The following AKAP6 variants were observed in gnomAD, a reference collection of about 807,000 sequenced individuals.
AKAP6 encodes A-kinase anchor protein 6.
A neutral mutation model predicts 188.5 loss-of-function variants in AKAP6; 58 were observed. That is an observed-to-expected ratio of 0.31 (90% CI 0.25 to 0.38). The LOEUF is 0.38. Ranked by LOEUF, AKAP6 falls within the 10% of genes least tolerant of loss-of-function variation. The probability of loss-of-function intolerance (pLI) is 1.00; values close to 1 mark genes in which losing one functional copy is unlikely to be tolerated. For missense variants in AKAP6, 2,710 were observed against 2,740.0 expected, an observed-to-expected ratio of 0.99 and a Z score of 0.24; for synonymous variants, 989 against 998.6, an observed-to-expected ratio of 0.99 and a Z score of 0.18.
chr14:32,797,776 A>T (rs1162846968), intron 12 of AKAP6, among the ~76,000 whole-genome samples: 1 of 152,116 alleles, frequency 6.6e-6, no homozygotes, highest in Non-Finnish European at 1.5e-5. Flanking sequence ...CCATAAACTT[A>T]AAAGTTGAAG....
intron 9 of AKAP6, among the ~76,000 whole-genome samples, chr14:32,723,726 G>A (rs1284408834): frequency 2.0e-5 from 3 of 152,060 alleles, no homozygotes; most frequent in Non-Finnish European, 4.4e-5. Context: ...ATCCTCCACA[G>A]TTCACACTAT....
At chr14:32,620,803 A>G (rs1886786732) in intron 7 of AKAP6, among the ~76,000 whole-genome samples, 1 of 148,858 alleles carries the variant, frequency 6.7e-6, no homozygotes, top group African/African-American at 2.5e-5. Flanking sequence ...GCTTTTTTTC[A>G]CTGGCAGTTT....
At chr14:32,738,816 C>T (rs556663816) in intron 11 of AKAP6, among the ~76,000 whole-genome samples, 1 of 152,242 alleles carries the variant, frequency 6.6e-6, no homozygotes, top group Admixed American at 6.5e-5. Flanking sequence ...ATAGTATAAT[C>T]TCTGTATGAA....
At position 32,372,866 on chromosome 14, in the gene AKAP6, AG is replaced by A. The variant is rs1261498550; in HGVS notation, c.-35+43459del. 5.7e-4 allele frequency among the ~76,000 whole-genome samples: 87 copies of A among 151,756 alleles called. 1 individual carries two copies. Among genetic ancestry groups the A allele is most frequent in the Admixed American group, 3.9e-3 (60 of 15,222 alleles). On this transcript the variant is annotated intron_variant, in intron 1 of 13. Transcript: ENST00000280979. Reference sequence around the variant, plus strand: ...GAGAGAAAAAGAAAGAGAGCGAGCGAGCATTATGGGATTTGGGTAGTTTTGG... The same window carrying A: ...GAGAGAAAAAGAAAGAGAGCGAGCGACATTATGGGATTTGGGTAGTTTTGG...
intron 1 of AKAP6, among the ~76,000 whole-genome samples, chr14:32,383,449 T>G (rs923962011): frequency 2.6e-5 from 4 of 152,170 alleles, no homozygotes; most frequent in African/African-American, 7.2e-5. Context: ...CTGAAACCTG[T>G]AACGTGTCAC....
intron 2 of AKAP6, among the ~76,000 whole-genome samples, chr14:32,492,355 T>TAGAGAGAGAGAG (rs1555333490): frequency 4.4e-4 from 36 of 82,596 alleles, no homozygotes; most frequent in African/African-American, 8.6e-4. Context: ...TATATATATA[T>TAGAGAGAGAGAG]AGAGAGAGAG....
intron 9 of AKAP6, among the ~76,000 whole-genome samples, chr14:32,720,833 G>A (rs994245309): frequency 3.9e-5 from 6 of 151,992 alleles, no homozygotes; most frequent in Non-Finnish European, 8.8e-5. Context: ...CTCCAGCCTG[G>A]GCAACACAGC....
chr14:32,561,427 A>C (rs1883950060), intron 4 of AKAP6, among the ~76,000 whole-genome samples: 1 of 152,190 alleles, frequency 6.6e-6, no homozygotes, highest in Non-Finnish European at 1.5e-5. Context: ...AATGACCTAT[A>C]AATACTTTTC....
intron 7 of AKAP6, among the ~76,000 whole-genome samples, chr14:32,669,313 GGACTAGAAGAACAACATGA>G (rs1889079174): frequency 6.6e-6 from 1 of 152,184 alleles, no homozygotes; most frequent in African/African-American, 2.4e-5. Flanking sequence ...CATCCATGCA[GGACTAGAAGAACAACATGA>G]GATTCTCATT....
intron 1 of AKAP6, among the ~76,000 whole-genome samples, chr14:32,406,432 G>A (rs1385499190): frequency 1.2e-4 from 19 of 152,090 alleles, no homozygotes; most frequent in Non-Finnish European, 2.2e-4. Flanking sequence ...CTGGTCTTGG[G>A]CTCCTGACCT....
At chr14:32,744,594 G>A (rs2139877016) in intron 11 of AKAP6, among the ~76,000 whole-genome samples, 1 of 152,256 alleles carries the variant, frequency 6.6e-6, no homozygotes, top group South Asian at 2.1e-4. Flanking sequence ...TGGGATTACA[G>A]GCATGAGCCA....
chr14:32,491,704 C>A (rs1320886307), intron 2 of AKAP6, among the ~76,000 whole-genome samples: 1 of 152,178 alleles, frequency 6.6e-6, no homozygotes, highest in Non-Finnish European at 1.5e-5. Context: ...CTTTGTGATT[C>A]TGAATCATTG....
At chr14:32,556,706 C>T (rs762575802) in intron 4 of AKAP6, among the ~76,000 whole-genome samples, 1 of 152,066 alleles carries the variant, frequency 6.6e-6, no homozygotes, top group Admixed American at 6.6e-5. Context: ...CATTCTGTAG[C>T]CTATTTACTC....
In AKAP6 at chr14:32,793,291, A is replaced by G. The variant is rs955522855; in HGVS notation, c.3588+19398A>G. 4.6e-5 allele frequency among the ~76,000 whole-genome samples: 7 copies of G among 152,202 alleles called. No homozygotes were observed. In the South Asian group the frequency reaches 1.2e-3, roughly 27 times the overall value. On this transcript the variant is annotated intron_variant, in intron 12 of 13. Transcript: ENST00000280979. ...TCTTCAAGAGACCCATCTCACATGC[A>G]GAGACACACATAGGCTCAAAATAAA...
At chr14:32,357,130 T>C (rs941305346) in intron 1 of AKAP6, among the ~76,000 whole-genome samples, 2 of 152,198 alleles carry the variant, frequency 1.3e-5, no homozygotes, top group African/African-American at 4.8e-5. Flanking sequence ...TGCCAACAAA[T>C]ATTTTTTGAC....
At chr14:32,814,848 C>T (rs2034337432) in intron 12 of AKAP6, among the ~76,000 whole-genome samples, 1 of 152,158 alleles carries the variant, frequency 6.6e-6, no homozygotes, top group South Asian at 2.1e-4. Flanking sequence ...CCTGCCTCAG[C>T]CTTACGAGTA....
At chr14:32,518,740 GGGAGAAT>G (rs1349450703) in intron 2 of AKAP6, among the ~76,000 whole-genome samples, 2 of 152,176 alleles carry the variant, frequency 1.3e-5, no homozygotes, top group Non-Finnish European at 2.9e-5. Flanking sequence ...GAAAGTGACG[GGGAGAAT>G]GGAACCAAGT....
rs1051914715 is a variant in AKAP6, at chr14:32,546,475, G to A, written c.1822G>A (p.Ala608Thr). The A allele has an allele frequency of 1.2e-6, 2 of 1,614,028 alleles. No individual in the cohort carries two copies. The highest frequency in any genetic ancestry group is 2.2e-5 in the South Asian group (2 of 91,078). The change falls in exon 4 of 14, where the codon GCC (alanine) becomes ACC (threonine). Residue 608 changes from alanine to threonine, a missense_variant. By Grantham distance (58) the Ala-to-Thr change is moderately conservative. Coordinates refer to ENST00000280979, the MANE Select transcript of AKAP6 (RefSeq NM_004274.5). ...LSKHKSKKGQ[A>T]SSPSHVTRNG... The stretch of plus-strand genomic sequence containing the variant: ...AAAACACAAAAGCAAAAAAGGTCAA[G>A]CCTCCTCTCCAAGTCACGTCACTAG...
At chr14:32,408,950 A>G (rs149168991) in intron 1 of AKAP6, among the ~76,000 whole-genome samples, 6,183 of 152,280 alleles carry the variant, frequency 0.041, 193 homozygotes, top group East Asian at 0.1. Flanking sequence ...CTGTAATCCC[A>G]GCACTTTGGG....
Sources: allele counts gnomAD v4.1 joint callset (sites outside exome capture counted in the v4.1 genomes callset), GRCh38; gene constraint gnomAD v4.1.1; transcripts MANE v1.5; gene names NCBI Gene and HGNC (gene_info 2026-07-23, HGNC 2026-07-21).